XRN1: variants seen among roughly 807,000 people sequenced by gnomAD.
XRN1 encodes strand-exchange protein 1 homolog.
Under a neutral mutation model 222.3 loss-of-function variants are expected in XRN1, and 67 were observed. That is an observed-to-expected ratio of 0.30 (90% CI 0.25 to 0.37). The LOEUF (loss-of-function observed/expected upper bound fraction) is 0.37, where lower values mean the gene tolerates loss of function less well. XRN1 is among the 10% of genes least tolerant of loss of function. The probability of loss-of-function intolerance (pLI) is 1.00; values close to 1 mark genes in which losing one functional copy is unlikely to be tolerated. For missense variants in XRN1, 1,707 were observed against 2,000.2 expected, an observed-to-expected ratio of 0.85 and a Z score of 2.80; for synonymous variants, 643 against 652.4, an observed-to-expected ratio of 0.99 and a Z score of 0.22.
At chr3:142,335,648 A>T in intron 33 of XRN1, 139 bp from the exon 34 acceptor site, 1 of 718,240 alleles carries the variant, frequency 1.4e-6, no homozygotes, top group Non-Finnish European at 2.3e-6. Context: ...TAAGGAATTT[A>T]TAACATAGAT....
rs1342165674 is a variant in XRN1, at chr3:142,307,370, A to T, written c.*4141T>A. On this transcript the variant is annotated 3_prime_UTR_variant, in exon 41 of 41. Coordinates refer to ENST00000392981, the MANE Select transcript of XRN1 (RefSeq NM_001282857.2). ...TGCAGTTGGTGTACGGCTGGAGGGA[A>T]AAAAAAAAAGACTTTTTACAGGTTT... 2.0e-5 allele frequency: 3 copies of T among 149,648 alleles called. No individual in the cohort carries two copies. The highest frequency in any genetic ancestry group is 3.0e-5 in the Non-Finnish European group (2 of 67,196). 9.3% of individuals were successfully genotyped at this position (149,648 alleles called of 1,614,324 possible). A position where few individuals can be genotyped will look rare whatever the true frequency, so the allele number is the denominator to read the frequency against.
chr3:142,404,051 T>TAAC, intron 16 of XRN1, 62 bp from the exon 17 acceptor site: 1 of 1,368,360 alleles, frequency 7.3e-7, no homozygotes. Context: ...TACAGTTTTT[T>TAAC]AACTTTCCCT....
chr3:142,396,164 G>C (rs1284355646), intron 20 of XRN1, among the ~76,000 whole-genome samples: 4 of 151,944 alleles, frequency 2.6e-5, no homozygotes, highest in Non-Finnish European at 5.9e-5. Flanking sequence ...TATTATGGCA[G>C]GTATCAATAC....
chr3:142,360,718 A>T (rs757288280), intron 29 of XRN1, among the ~76,000 whole-genome samples: 1 of 151,838 alleles, frequency 6.6e-6, no homozygotes, highest in African/African-American at 2.4e-5. Flanking sequence ...AAAAATAAAA[A>T]AAAAAATTAG....
intron 2 of XRN1, among the ~76,000 whole-genome samples, chr3:142,427,787 C>T (rs1433317657): frequency 2.0e-5 from 3 of 152,206 alleles, no homozygotes; most frequent in African/African-American, 7.2e-5. Flanking sequence ...TCTACTGCCA[C>T]CCCTTTGCAG....
intron 24 of XRN1, 29 bp from the exon 25 acceptor site, chr3:142,375,973 T>TGCAC (rs2067130364): frequency 2.2e-6 from 3 of 1,389,746 alleles, no homozygotes; most frequent in Non-Finnish European, 2.9e-6. Flanking sequence ...TGCGCACACG[T>TGCAC]GCACACACAC....
At chr3:142,406,446 TA>T (rs1559856153) in intron 15 of XRN1, among the ~76,000 whole-genome samples, 2 of 152,218 alleles carry the variant, frequency 1.3e-5, no homozygotes, top group Non-Finnish European at 2.9e-5. Flanking sequence ...CTCTTGGCAA[TA>T]ATTTTTTGGA....
At chr3:142,354,713 T>C (rs1279107105) in intron 32 of XRN1, among the ~76,000 whole-genome samples, 1 of 152,046 alleles carries the variant, frequency 6.6e-6, no homozygotes, top group Non-Finnish European at 1.5e-5. Flanking sequence ...GTATTTTCAG[T>C]ACAGATGGGG....
intron 2 of XRN1, among the ~76,000 whole-genome samples, chr3:142,431,700 A>G (rs951662632): frequency 2.7e-5 from 4 of 148,046 alleles, no homozygotes; most frequent in African/African-American, 5.0e-5. Context: ...ACCTGTAATC[A>G]CAGCTACTTG....
chr3:142,398,061 T>A (rs2067993948), intron 19 of XRN1, among the ~76,000 whole-genome samples: 1 of 152,040 alleles, frequency 6.6e-6, no homozygotes, highest in South Asian at 2.1e-4. Context: ...GGCAACATAT[T>A]GAGACAGTGT....
chr3:142,318,308 AT>A (rs59905544), intron 39 of XRN1, among the ~76,000 whole-genome samples: 5 of 150,606 alleles, frequency 3.3e-5, no homozygotes, highest in Non-Finnish European at 3.0e-5. Flanking sequence ...AAATTACATG[AT>A]TTTTTTTTTA....
chr3:142,442,891 G>A (rs1487284525), intron 1 of XRN1, among the ~76,000 whole-genome samples: 7 of 152,068 alleles, frequency 4.6e-5, no homozygotes, highest in Non-Finnish European at 8.8e-5. Context: ...CCAACACGAC[G>A]CCCGGCTAAT....
intron 38 of XRN1, 29 bp downstream of exon 38, chr3:142,318,761 T>G (rs772233342): frequency 6.2e-7 from 1 of 1,612,464 alleles, no homozygotes. Context: ...AATAAAAATT[T>G]TAATAGAGAA....
intron 19 of XRN1, 114 bp downstream of exon 19, chr3:142,400,330 A>G (rs1312361677): frequency 2.6e-6 from 2 of 768,530 alleles, no homozygotes; most frequent in Non-Finnish European, 4.0e-6. Context: ...TTTTTGGTAC[A>G]GAGTGTAAAT....
intron 35 of XRN1, 198 bp downstream of exon 35, chr3:142,332,769 A>C: frequency 2.4e-6 from 2 of 825,722 alleles, no homozygotes; most frequent in Non-Finnish European, 3.5e-6. Context: ...CAATGTTTGA[A>C]AAGCAGGGGA....
At chr3:142,416,769 T>A (rs544077313) in intron 13 of XRN1, among the ~76,000 whole-genome samples, 2 of 152,134 alleles carry the variant, frequency 1.3e-5, no homozygotes, top group East Asian at 3.9e-4. Flanking sequence ...CAGTGACTCA[T>A]GCCTGTAATC....
At chr3:142,373,450 A>G (rs1276724918) in intron 25 of XRN1, among the ~76,000 whole-genome samples, 1 of 152,108 alleles carries the variant, frequency 6.6e-6, no homozygotes, top group East Asian at 1.9e-4. Context: ...ATAATACAAG[A>G]AAGTTTCTCA....
intron 1 of XRN1, among the ~76,000 whole-genome samples, chr3:142,444,202 T>C (rs34058443): frequency 0.17 from 25,812 of 152,228 alleles, 2,472 homozygotes; most frequent in Admixed American, 0.22. Flanking sequence ...CCCAGCACTT[T>C]GGGAGGCCGA....
At chr3:142,430,081 G>GT (rs759292005) in intron 2 of XRN1, among the ~76,000 whole-genome samples, 1 of 152,162 alleles carries the variant, frequency 6.6e-6, no homozygotes, top group Non-Finnish European at 1.5e-5. Flanking sequence ...AGATAAAGGA[G>GT]TAAGTTCCCG....
Sources: gnomAD v4.1 joint callset for allele counts (sites outside exome capture counted in the v4.1 genomes callset) on GRCh38, gnomAD v4.1.1 for gene constraint, MANE v1.5 for transcripts, NCBI Gene and HGNC (gene_info 2026-07-23, HGNC 2026-07-21) for gene names.